AHI1: variants seen among roughly 807,000 people sequenced by gnomAD.
AHI1 encodes the protein jouberin.
In AHI1, 123 loss-of-function variants were observed where a neutral mutation model predicts 149.3. That is an observed-to-expected ratio of 0.82 (90% CI 0.71 to 0.96). The LOEUF (loss-of-function observed/expected upper bound fraction) is 0.96. Ranked by LOEUF, AHI1 falls within the 40% of genes least tolerant of loss-of-function variation. The pLI is 0.00. For synonymous variants in AHI1, 475 were observed against 459.8 expected, an observed-to-expected ratio of 1.03 and a Z score of -0.42; for missense variants, 1,439 against 1,422.7, an observed-to-expected ratio of 1.01 and a Z score of -0.18.
Position 135,290,522 on chromosome 6 carries a change from A to G in AHI1, c.3489T>C (p.Ser1163=), listed in dbSNP as rs1179570087. The G allele has an allele frequency of 6.2e-7, 1 of 1,613,494 alleles. No homozygotes were observed. Among genetic ancestry groups the G allele is most frequent in the African/African-American group, 1.3e-5 (1 of 74,852 alleles). ...FRLGSESMTH[S]EMRKEQSHED... is the part of the protein sequence containing the mutation. ...CATGGCTCTGTTCTTTTCTCATTTC[A>G]GAACTATAGGAGGGAAAGATCAGAA... The change falls in exon 28 of 29, where the codon TCT becomes TCC. Residue 1163 remains serine, a synonymous_variant. Coordinates refer to ENST00000265602, the MANE Select transcript of AHI1 (RefSeq NM_001134831.2).
At chr6:135,387,181 T>C (rs1390970491) in intron 23 of AHI1, among the ~76,000 whole-genome samples, 2 of 152,212 alleles carry the variant, frequency 1.3e-5, no homozygotes, top group Admixed American at 6.5e-5. Flanking sequence ...CAGCACCTTG[T>C]TGAAAAGCAT....
At chr6:135,434,915 G>A (rs1337886618) in intron 15 of AHI1, among the ~76,000 whole-genome samples, 1 of 152,080 alleles carries the variant, frequency 6.6e-6, no homozygotes, top group East Asian at 1.9e-4. Context: ...TTGTTGATTT[G>A]AGAAAAACAC....
chr6:135,328,402 C>T (rs994437025), intron 24 of AHI1, among the ~76,000 whole-genome samples: 2 of 152,128 alleles, frequency 1.3e-5, no homozygotes, highest in African/African-American at 4.8e-5. Flanking sequence ...TACAACAGTT[C>T]AAATTTTTCC....
At chr6:135,295,900 T>G (rs1474581032) in intron 27 of AHI1, among the ~76,000 whole-genome samples, 1 of 152,244 alleles carries the variant, frequency 6.6e-6, no homozygotes, top group African/African-American at 2.4e-5. Flanking sequence ...TCTCCCGGGC[T>G]GGAGTGCAGT....
intron 20 of AHI1, among the ~76,000 whole-genome samples, chr6:135,414,668 AT>A (rs1241804294): frequency 6.6e-6 from 1 of 152,140 alleles, no homozygotes; most frequent in African/African-American, 2.4e-5. Flanking sequence ...TGGATGACAA[AT>A]AAGCATGCAA....
At chr6:135,336,480 C>A (rs1789407670) in intron 24 of AHI1, among the ~76,000 whole-genome samples, 1 of 152,086 alleles carries the variant, frequency 6.6e-6, no homozygotes, top group South Asian at 2.1e-4. Flanking sequence ...TGCCTGTAGT[C>A]CCAGCTACTT....
In AHI1 at chr6:135,409,033, T is replaced by C. The variant is rs542187567; in HGVS notation, c.2961+2315A>G. On this transcript the variant is annotated intron_variant, in intron 21 of 28. Transcript: ENST00000265602. The stretch of plus-strand genomic sequence containing the variant: ...GGTACTTTTCTTATGAGTAGTGAGA[T>C]AGAACTTTTAAAATATGCCTATGAA... 3.3e-5 allele frequency among the ~76,000 whole-genome samples: 5 copies of C among 152,288 alleles called. No individual in the cohort carries two copies. In the East Asian group the frequency reaches 9.6e-4, roughly 29 times the overall value.
chr6:135,304,272 TA>T (rs1302289482), intron 26 of AHI1, among the ~76,000 whole-genome samples: 1 of 152,090 alleles, frequency 6.6e-6, no homozygotes, highest in Non-Finnish European at 1.5e-5. Context: ...AGGTTAGCCT[TA>T]AACTCCTGGC....
chr6:135,318,488 A>G lies in AHI1; in HGVS notation c.3426+31T>C. The G allele has an allele frequency of 2.3e-6, 3 of 1,311,188 alleles. No homozygotes were observed. The South Asian group carries it at 3.8e-5, about 17-fold the overall frequency. 81.2% of individuals were successfully genotyped at this position (1,311,188 alleles called of 1,614,324 possible). ...CCAGAGAGAGTGAAAATCAAAGTAC[A>G]TATGTAATACGTATGCTCAAAAACA... is the stretch of plus-strand genomic sequence containing the variant. On this transcript the variant is annotated intron_variant, in intron 26 of 28. Transcript: ENST00000265602.
chr6:135,462,154 A>G (rs2128090478), intron 8 of AHI1, among the ~76,000 whole-genome samples: 1 of 152,164 alleles, frequency 6.6e-6, no homozygotes, highest in African/African-American at 2.4e-5. Flanking sequence ...AGATTTTAAA[A>G]TTTTAATTAT....
chr6:135,357,087 C>T (rs1397078882), intron 24 of AHI1, among the ~76,000 whole-genome samples: 1 of 152,158 alleles, frequency 6.6e-6, no homozygotes, highest in African/African-American at 2.4e-5. Context: ...TACAGGCATG[C>T]ACCACCATGC....
rs556118843 is a variant in AHI1 at position 135,477,201 on chromosome 6, C to T, written c.136-9567G>A. ...GACTACAGGCGCCCAACACCACGCC[C>T]GGCTAATTTTTTGTATTTTTAGTAG... On this transcript the variant is annotated intron_variant, in intron 5 of 28. Transcript: ENST00000265602. Among the ~76,000 whole-genome samples, 35 of 152,006 alleles carry T rather than the reference C, an allele frequency of 2.3e-4. 1 individual carries two copies. In the East Asian group the frequency reaches 4.6e-3, roughly 20 times the overall value.
At chr6:135,301,677 CTT>C (rs1282186099) in intron 26 of AHI1, 9 of 985,270 alleles carry the variant, frequency 9.1e-6, no homozygotes, top group Non-Finnish European at 1.1e-5. Context: ...AGCAAGGAGA[CTT>C]TTTGGTGAAA....
intron 27 of AHI1, 47 bp from the exon 28 acceptor site, chr6:135,290,572 G>A (rs768115144): frequency 6.2e-7 from 1 of 1,602,796 alleles, no homozygotes; most frequent in Non-Finnish European, 8.5e-7. Flanking sequence ...AAAGAGAGCT[G>A]AGCTAAAAGC....
intron 23 of AHI1, among the ~76,000 whole-genome samples, chr6:135,382,851 T>C (rs1257298678): frequency 7.8e-6 from 1 of 128,438 alleles, no homozygotes; most frequent in Non-Finnish European, 1.5e-5. Flanking sequence ...CATGAAGAGC[T>C]GCTTGCTTGG....
rs751171995 is a variant in AHI1 at position 135,448,428 on chromosome 6, C to T, written c.1488G>A (p.Leu496=). The T allele has an allele frequency of 6.4e-7, 1 of 1,566,178 alleles. No homozygotes were observed. Residue 496 remains leucine (L), a synonymous_variant, in exon 12 of 29, where the codon TTG becomes TTA. Transcript: ENST00000265602. Reference sequence around the variant, plus strand: ...GCTTAGTAGGTGGGTAATATAGCTGCAAGCGAAGTTTTGAGTTGATGTTTG... The same window carrying T: ...GCTTAGTAGGTGGGTAATATAGCTGTAAGCGAAGTTTTGAGTTGATGTTTG... ...GNANINSKLR[L]QLYYPPTKPR...
At chr6:135,335,459 C>T (rs1194742392) in intron 24 of AHI1, among the ~76,000 whole-genome samples, 1 of 151,080 alleles carries the variant, frequency 6.6e-6, no homozygotes, top group Non-Finnish European at 1.5e-5. Flanking sequence ...AAAAAAAAAC[C>T]ACTCTCAGAG....
chr6:135,442,995 C>A (rs1485127926), intron 13 of AHI1, among the ~76,000 whole-genome samples: 1 of 152,156 alleles, frequency 6.6e-6, no homozygotes, highest in Admixed American at 6.5e-5. Flanking sequence ...AAAGCCATCA[C>A]TGCCACACTG....
Position 135,448,326 on chromosome 6 carries a change from C to G in AHI1, c.1590G>C (p.Leu530=). The change falls in exon 12 of 29, where the codon CTG becomes CTC. Residue 530 remains leucine, a synonymous_variant. Transcript: ENST00000265602. ...CTTTCAGTCCTCTTACAGTTACGTA[C>G]AGTGTTGATGGGTAATGATTTCTTG... ...KCPRNHYPST[L]YVTVRGLKVP... is the part of the protein sequence containing the mutation. The G allele has an allele frequency of 2.5e-6, 4 of 1,608,272 alleles. No homozygotes were observed. The highest frequency in any genetic ancestry group is 3.4e-6 in the Non-Finnish European group (4 of 1,176,368).
Sources: gnomAD v4.1 joint callset for allele counts (sites outside exome capture counted in the v4.1 genomes callset) on GRCh38, gnomAD v4.1.1 for gene constraint, MANE v1.5 for transcripts, NCBI Gene and HGNC (gene_info 2026-07-23, HGNC 2026-07-21) for gene names.